Variants in AGAP1 observed in about 807,000 individuals in gnomAD.
The protein encoded by AGAP1 is ArfGAP with GTPase domain, ankyrin repeat and PH domain 1.
A neutral mutation model predicts 105.3 loss-of-function variants in AGAP1; 29 were observed. The ratio of observed to expected loss-of-function variants is 0.28; its 90% confidence interval spans 0.21 to 0.38. The LOEUF (loss-of-function observed/expected upper bound fraction) is 0.38, where lower values mean the gene tolerates loss of function less well. Ranked by LOEUF, AGAP1 falls within the 10% of genes least tolerant of loss-of-function variation. The pLI is 1.00. For missense variants in AGAP1, 998 were observed against 1,165.1 expected (o/e 0.86, Z 2.09); for synonymous variants, 509 against 485.9 (o/e 1.05, Z -0.63).
chr2:235,944,767 A>G lies in AGAP1; in HGVS notation c.1483+13844A>G, dbSNP rs565248680. ...GGCACGTCAGGCCTTCATCAATCAG[A>G]AGGCAGTGGCAGCGACAGCAAGACA... On this transcript the variant is annotated intron_variant, in intron 12 of 17. Coordinates refer to ENST00000304032, the MANE Select transcript of AGAP1 (RefSeq NM_001037131.3). Among the ~76,000 whole-genome samples, 23 of 152,280 alleles carry G rather than the reference A, an allele frequency of 1.5e-4. No individual in the cohort carries two copies. The South Asian group carries it at 2.9e-3, about 19-fold the overall frequency.
rs2060048387 is a variant in AGAP1 at position 236,129,068 on chromosome 2, CTG to C, written c.*4948_*4949del. The C allele has an allele frequency of 6.6e-6, 1 of 152,226 alleles. No individual in the cohort carries two copies. The highest frequency in any genetic ancestry group is 2.1e-4 in the South Asian group (1 of 4,834). 9.4% of individuals were successfully genotyped at this position (152,226 alleles called of 1,614,324 possible). On this transcript the variant is annotated 3_prime_UTR_variant, in exon 18 of 18. Transcript: ENST00000304032. The surrounding 1 kb of genome is among the most constrained non-coding windows in gnomAD (Gnocchi z 6.2). ...TGTTGTGAAGTCACATCTTGAATGA[CTG>C]TCACCCTCATCCTTCCCCAAAAAGC...
rs1287439253 is a variant in AGAP1 at position 235,740,668 on chromosome 2, CT to C, written c.311-294del. ...TCTGTTTCCCAGTGAGTGAGAATTC[CT>C]GAATTTACATAGAAAGCCCACATGA... On this transcript the variant is annotated intron_variant, in intron 3 of 17. Transcript: ENST00000304032. This position sits in a 1 kb window ranked among gnomAD's most constrained non-coding sequence, Gnocchi z 5.7. Among the ~76,000 whole-genome samples the C allele has an allele frequency of 1.9e-4, 29 of 152,332 alleles. No homozygotes were observed. Among genetic ancestry groups the C allele is most frequent in the Admixed American group, 1.7e-3 (26 of 15,296 alleles).
intron 13 of AGAP1, among the ~76,000 whole-genome samples, chr2:236,033,973 G>A (rs967211139): frequency 2.0e-5 from 3 of 152,212 alleles, no homozygotes; most frequent in Admixed American, 2.0e-4. Flanking sequence ...CAAAGTGTGA[G>A]CCTGTCGAGT....
intron 6 of AGAP1, among the ~76,000 whole-genome samples, chr2:235,786,352 C>T (rs80003191): frequency 1.7e-3 from 264 of 152,292 alleles, no homozygotes; most frequent in African/African-American, 6.1e-3. Flanking sequence ...CTTGTGTTAA[C>T]CTGTATCATG....
intron 1 of AGAP1, among the ~76,000 whole-genome samples, chr2:235,604,567 A>T (rs1258622894): frequency 1.6e-4 from 15 of 92,458 alleles, no homozygotes; most frequent in Non-Finnish European, 2.5e-4. Context: ...TTTTATTTTT[A>T]TTATCTTTTT....
rs1444919906 is a variant in AGAP1, at chr2:235,599,224, G to A, written c.163+104375G>A. On this transcript the variant is annotated intron_variant, in intron 1 of 17. Transcript: ENST00000304032. The surrounding 1 kb of genome is among the most constrained non-coding windows in gnomAD (Gnocchi z 5.3). ...AGCCAGTCCCTTCCACGAATGCTGC[G>A]AGAACCCACACAGCTGTTCATTTCG... 6.6e-6 allele frequency among the ~76,000 whole-genome samples: 1 copy of A among 152,142 alleles called. No homozygotes were observed. The highest frequency in any genetic ancestry group is 2.4e-5 in the African/African-American group (1 of 41,440).
At chr2:235,640,031 G>A (rs950077232) in intron 1 of AGAP1, among the ~76,000 whole-genome samples, 1 of 152,196 alleles carries the variant, frequency 6.6e-6, no homozygotes, top group Admixed American at 6.5e-5. Flanking sequence ...AGTCTTTAGG[G>A]CAACCTAATT....
At chr2:235,630,023 A>G (rs1946776342) in intron 1 of AGAP1, among the ~76,000 whole-genome samples, 1 of 152,158 alleles carries the variant, frequency 6.6e-6, no homozygotes. Flanking sequence ...TGTATACAAA[A>G]TGTCTGATTA....
At chr2:235,730,582 G>T (rs1951892375) in intron 3 of AGAP1, among the ~76,000 whole-genome samples, 2 of 151,566 alleles carry the variant, frequency 1.3e-5, no homozygotes, top group African/African-American at 4.9e-5. Flanking sequence ...CTGGGTTCAA[G>T]CGATCTTCTT....
chr2:235,934,964 TC>T lies in AGAP1; in HGVS notation c.1483+4047del, dbSNP rs1389617215. On this transcript the variant is annotated intron_variant, in intron 12 of 17. Coordinates refer to ENST00000304032, the MANE Select transcript of AGAP1 (RefSeq NM_001037131.3). The surrounding 1 kb of genome is among the most constrained non-coding windows in gnomAD (Gnocchi z 4.9). ...AAAGTCTCCTCTCTAGACACACCGG[TC>T]CCCCCGGGGTTTCTTCCTTTAAAGC... 6.6e-6 allele frequency among the ~76,000 whole-genome samples: 1 copy of T among 151,994 alleles called. No individual in the cohort carries two copies. The highest frequency in any genetic ancestry group is 1.9e-4 in the East Asian group (1 of 5,180).
At chr2:235,522,387 G>A (rs1026876500) in intron 1 of AGAP1, among the ~76,000 whole-genome samples, 4 of 152,190 alleles carry the variant, frequency 2.6e-5, no homozygotes, top group African/African-American at 9.7e-5. Flanking sequence ...TCCTCCGTAA[G>A]ACGCTCAGCC....
intron 13 of AGAP1, among the ~76,000 whole-genome samples, chr2:236,006,586 C>T (rs1406613113): frequency 3.3e-5 from 5 of 152,168 alleles, no homozygotes; most frequent in Non-Finnish European, 7.3e-5. Flanking sequence ...GGAATGGCTA[C>T]AACTATGTTA....
chr2:235,953,197 T>C lies in AGAP1; in HGVS notation c.1484-15265T>C, dbSNP rs979725139. Among the ~76,000 whole-genome samples, 2 of 152,216 alleles carry C rather than the reference T, an allele frequency of 1.3e-5. No individual in the cohort carries two copies. The highest frequency in any genetic ancestry group is 4.8e-5 in the African/African-American group (2 of 41,454). The stretch of plus-strand genomic sequence containing the variant: ...CACCTGGAACAAGAAGTTTTTCAAA[T>C]ATTTTAGGTGTTTACAAAATATTTC... On this transcript the variant is annotated intron_variant, in intron 12 of 17. Transcript: ENST00000304032. This position sits in a 1 kb window ranked among gnomAD's most constrained non-coding sequence, Gnocchi z 5.2.
rs1471217191 is a variant in AGAP1 at position 235,601,540 on chromosome 2, G to A, written c.163+106691G>A. The stretch of plus-strand genomic sequence containing the variant: ...GGCAGGCAAGAGAGCTTGCTCAGGC[G>A]AACTCCCGTTTATAAAACCATCAGA... On this transcript the variant is annotated intron_variant, in intron 1 of 17. Transcript: ENST00000304032. This position sits in a 1 kb window ranked among gnomAD's most constrained non-coding sequence, Gnocchi z 4.4. Among the ~76,000 whole-genome samples, 1 of 151,808 alleles carries A rather than the reference G, an allele frequency of 6.6e-6. No individual in the cohort carries two copies. Among genetic ancestry groups the A allele is most frequent in the East Asian group, 1.9e-4 (1 of 5,182 alleles).
rs1483204903 is a variant in AGAP1, at chr2:235,855,532, T to TA, written c.1051-27810dup. ...TGAAGTCATAAAAGTTGAGTTATAG[T>TA]AAATTTAAAATCGAGCAATTTCTGC... On this transcript the variant is annotated intron_variant, in intron 9 of 17. Coordinates refer to ENST00000304032, the MANE Select transcript of AGAP1 (RefSeq NM_001037131.3). This position sits in a 1 kb window ranked among gnomAD's most constrained non-coding sequence, Gnocchi z 5.0. Among the ~76,000 whole-genome samples, 1 of 152,260 alleles carries TA rather than the reference T, an allele frequency of 6.6e-6. No homozygotes were observed. The highest frequency in any genetic ancestry group is 1.5e-5 in the Non-Finnish European group (1 of 68,046).
At chr2:235,898,421 G>A (rs1168549491) in intron 10 of AGAP1, among the ~76,000 whole-genome samples, 1 of 151,878 alleles carries the variant, frequency 6.6e-6, no homozygotes, top group Non-Finnish European at 1.5e-5. Flanking sequence ...AAAGGTGGGG[G>A]AAGAGAAGGA....
intron 13 of AGAP1, among the ~76,000 whole-genome samples, chr2:235,978,432 A>C (rs1310082282): frequency 6.6e-6 from 1 of 152,214 alleles, no homozygotes; most frequent in African/African-American, 2.4e-5. Flanking sequence ...GACATCATCC[A>C]GTGCAAAGGA....
At chr2:235,670,164 C>T in intron 1 of AGAP1, 2 of 583,780 alleles carry the variant, frequency 3.4e-6, no homozygotes, top group Admixed American at 2.6e-5. Context: ...CCGCGCGGGA[C>T]GCCCCCCAGA....
intron 11 of AGAP1, among the ~76,000 whole-genome samples, chr2:235,922,699 G>C (rs1333549532): frequency 1.3e-5 from 2 of 152,170 alleles, no homozygotes; most frequent in African/African-American, 2.4e-5. Context: ...TTCTGTCTTT[G>C]ATGTCATTTG....
Sources: gnomAD v4.1 joint callset for allele counts (sites outside exome capture counted in the v4.1 genomes callset) on GRCh38, gnomAD v4.1.1 for gene constraint, Gnocchi (gnomAD v3.1) non-coding constraint, MANE v1.5 for transcripts, NCBI Gene and HGNC (gene_info 2026-07-23, HGNC 2026-07-21) for gene names.